Variants in NOS1 observed in about 807,000 individuals in gnomAD.
NOS1 encodes the protein NOS type I.
NOS1 carries 51 observed loss-of-function variants against 164.5 expected under a neutral mutation model. The observed-to-expected ratio is 0.31, with a 90% CI of 0.25 to 0.39. The LOEUF (loss-of-function observed/expected upper bound fraction) is 0.39, where lower values mean the gene tolerates loss of function less well. NOS1 is among the 10% of genes least tolerant of loss of function. The pLI is 1.00. For synonymous variants in NOS1, 719 were observed against 745.8 expected (o/e 0.96, Z 0.59); for missense variants, 1,362 against 1,885.6 (o/e 0.72, Z 5.14).
intron 10 of NOS1, among the ~76,000 whole-genome samples, chr12:117,268,653 G>C (rs376830923): frequency 7.0e-4 from 101 of 143,378 alleles, no homozygotes; most frequent in African/African-American, 1.0e-3. Flanking sequence ...GCAGTGGCAC[G>C]ATCTTGGCTC....
chr12:117,217,047 G>A (rs947630754), intron 28 of NOS1, among the ~76,000 whole-genome samples: 4 of 152,140 alleles, frequency 2.6e-5, no homozygotes, highest in South Asian at 2.1e-4. Flanking sequence ...GTGAAATTAC[G>A]ATCAAGGTTG....
At chr12:117,324,775 T>C (rs967880057) in intron 2 of NOS1, among the ~76,000 whole-genome samples, 1 of 151,114 alleles carries the variant, frequency 6.6e-6, no homozygotes, top group African/African-American at 2.5e-5. Flanking sequence ...GCTGAAACTT[T>C]GGGATTCACT....
In NOS1 at chr12:117,209,296, A is replaced by G; in HGVS notation, c.*6013T>C. On this transcript the variant is annotated 3_prime_UTR_variant, in exon 29 of 29. Coordinates refer to ENST00000317775, the MANE Select transcript of NOS1 (RefSeq NM_000620.5). ...CCGTTGGCAGGACACTGCTACAGGT[A>G]TCTTGTGGATGGAGGCCAGGAATGC... The G allele has an allele frequency of 4.2e-6, 4 of 959,506 alleles. No individual in the cohort carries two copies. The highest frequency in any genetic ancestry group is 5.0e-6 in the Non-Finnish European group (4 of 806,288). 59.4% of individuals were successfully genotyped at this position (959,506 alleles called of 1,614,324 possible).
chr12:117,320,911 C>G (rs1351971088), intron 2 of NOS1, among the ~76,000 whole-genome samples: 2 of 152,186 alleles, frequency 1.3e-5, no homozygotes, highest in Non-Finnish European at 2.9e-5. Flanking sequence ...TCCTGACCCC[C>G]CTATCTAATG....
chr12:117,269,553 G>A (rs56779634), intron 10 of NOS1, among the ~76,000 whole-genome samples: 127 of 135,288 alleles, frequency 9.4e-4, no homozygotes, highest in African/African-American at 3.4e-3. Flanking sequence ...TGCAACCTCC[G>A]CTTCCTGGGT....
chr12:117,255,272 G>A (rs1033738311), intron 16 of NOS1, among the ~76,000 whole-genome samples: 3 of 151,826 alleles, frequency 2.0e-5, no homozygotes, highest in Non-Finnish European at 2.9e-5. Flanking sequence ...ACAAAACAAA[G>A]CAAACAGAAA....
intron 24 of NOS1, 56 bp downstream of exon 24, chr12:117,226,627 T>A (rs1352711369): frequency 1.3e-6 from 2 of 1,530,054 alleles, no homozygotes; most frequent in African/African-American, 2.7e-5. Context: ...CCCCAACTTG[T>A]GACGTCAATA....
chr12:117,222,297 C>T (rs927078467), intron 26 of NOS1, among the ~76,000 whole-genome samples: 1 of 151,944 alleles, frequency 6.6e-6, no homozygotes, highest in African/African-American at 2.4e-5. Flanking sequence ...ACTTTGTCAC[C>T]CAGGCTGGAG....
intron 3 of NOS1, chr12:117,301,889 AT>A (rs371789634): frequency 1.5e-4 from 65 of 424,590 alleles, no homozygotes; most frequent in African/African-American, 1.2e-3. Context: ...TTCGCAATAT[AT>A]TATTTAGCCA....
At chr12:117,283,036 T>TTATATATA (rs397851004) in intron 7 of NOS1, among the ~76,000 whole-genome samples, 26 of 125,408 alleles carry the variant, frequency 2.1e-4, no homozygotes, top group African/African-American at 7.8e-4. Flanking sequence ...TCCTATAACA[T>TTATATATA]TATATATATA....
chr12:117,250,020 C>T (rs1193272341), intron 17 of NOS1, among the ~76,000 whole-genome samples: 2 of 152,160 alleles, frequency 1.3e-5, no homozygotes, highest in East Asian at 1.9e-4. Flanking sequence ...CTACTCCATA[C>T]AGGATCAGGC....
At chr12:117,327,063 GC>G (rs548801325) in intron 2 of NOS1, among the ~76,000 whole-genome samples, 3 of 152,168 alleles carry the variant, frequency 2.0e-5, no homozygotes, top group Non-Finnish European at 4.4e-5. Flanking sequence ...CTGAAATAGA[GC>G]CCCTCAGAAC....
At chr12:117,228,319 G>A (rs900888512) in intron 22 of NOS1, among the ~76,000 whole-genome samples, 2 of 152,128 alleles carry the variant, frequency 1.3e-5, no homozygotes, top group Non-Finnish European at 2.9e-5. Context: ...CCTTGCTCTA[G>A]ACAGTGTGTC....
At chr12:117,361,173 A>ACCCG (rs1438096545) in intron 1 of NOS1, among the ~76,000 whole-genome samples, 1 of 151,224 alleles carries the variant, frequency 6.6e-6, no homozygotes, top group African/African-American at 2.4e-5. Flanking sequence ...CGCGCTGCGC[A>ACCCG]CCCGCCCGCC....
intron 12 of NOS1, among the ~76,000 whole-genome samples, chr12:117,264,441 TTTC>T (rs1872199918): frequency 6.7e-6 from 1 of 149,254 alleles, no homozygotes; most frequent in Non-Finnish European, 1.5e-5. Context: ...CTCAGCTAAT[TTTC>T]TTATTTATTT....
chr12:117,289,638 T>A (rs1375389041), intron 4 of NOS1, among the ~76,000 whole-genome samples: 1 of 152,242 alleles, frequency 6.6e-6, no homozygotes, highest in African/African-American at 2.4e-5. Context: ...AAGCCCCGCA[T>A]GCATTAGGTG....
intron 24 of NOS1, 124 bp downstream of exon 24, chr12:117,226,559 G>T: frequency 1.3e-6 from 1 of 749,118 alleles, no homozygotes; most frequent in East Asian, 2.7e-5. Context: ...GCAGGACATT[G>T]GTCTCCATCG....
chr12:117,263,844 G>T, intron 13 of NOS1, 45 bp downstream of exon 13: 1 of 1,452,634 alleles, frequency 6.9e-7, no homozygotes, highest in Non-Finnish European at 9.7e-7. Flanking sequence ...GGTTCTCTGA[G>T]TTTGTGGGGA....
chr12:117,340,873 ATTTTTTTT>A lies in NOS1; in HGVS notation c.-420-9392_-420-9385del, dbSNP rs56322341. On this transcript the variant is annotated intron_variant, in intron 1 of 28. Transcript: ENST00000317775. ...TGAGTAGCTGATATCACACCTGGCT[ATTTTTTTT>A]TTTTTTTTTTTTTTTGTATTTTTAG... 9.7e-3 allele frequency among the ~76,000 whole-genome samples: 1,013 copies of A among 104,504 alleles called. 6 individuals are homozygous for A. Among genetic ancestry groups the A allele is most frequent in the East Asian group, 0.047 (173 of 3,674 alleles). The allele number at this position is 104,504 out of a possible 152,430, so 68.6% of individuals were successfully genotyped here.
Sources: gnomAD v4.1 joint callset for allele counts (sites outside exome capture counted in the v4.1 genomes callset) on GRCh38, gnomAD v4.1.1 for gene constraint, MANE v1.5 for transcripts, NCBI Gene and HGNC (gene_info 2026-07-23, HGNC 2026-07-21) for gene names.